The following KCNMA1 variants were observed in gnomAD, a reference collection of about 807,000 sequenced individuals.
KCNMA1 encodes the protein Calcium-activated potassium channel subunit alpha-1.
Under a neutral mutation model 140.0 loss-of-function variants are expected in KCNMA1, and 29 were observed. That is an observed-to-expected ratio of 0.21 (90% CI 0.15 to 0.28). The LOEUF (loss-of-function observed/expected upper bound fraction) is 0.28, where lower values mean the gene tolerates loss of function less well. KCNMA1 is among the 10% of genes least tolerant of loss of function. The pLI is 1.00. For synonymous variants in KCNMA1, 612 were observed against 611.9 expected (o/e 1.00, Z 0.00); for missense variants, 880 against 1,602.2 (o/e 0.55, Z 7.70).
At chr10:77,122,987 G>C (rs2097650247) in intron 5 of KCNMA1, among the ~76,000 whole-genome samples, 1 of 149,966 alleles carries the variant, frequency 6.7e-6, no homozygotes, top group Non-Finnish European at 1.5e-5. Flanking sequence ...GACCATCCTG[G>C]CTAACACAGT....
intron 5 of KCNMA1, among the ~76,000 whole-genome samples, chr10:77,160,648 G>T (rs2098544486): frequency 6.6e-6 from 1 of 152,178 alleles, no homozygotes. Flanking sequence ...GAACATCCTT[G>T]CCCATATCTG....
chr10:77,300,866 G>A (rs1184997363), intron 2 of KCNMA1, among the ~76,000 whole-genome samples: 1 of 152,134 alleles, frequency 6.6e-6, no homozygotes, highest in African/African-American at 2.4e-5. Context: ...GATCCTTAGG[G>A]AGCATCCAAC....
intron 2 of KCNMA1, among the ~76,000 whole-genome samples, chr10:77,279,988 G>A (rs1056114752): frequency 6.6e-6 from 1 of 152,124 alleles, no homozygotes; most frequent in African/African-American, 2.4e-5. Context: ...CAAGAAAACA[G>A]ACTAACACAT....
chr10:77,396,876 A>AT (rs139664235), intron 2 of KCNMA1, among the ~76,000 whole-genome samples: 11,520 of 152,286 alleles, frequency 0.076, 634 homozygotes, highest in Non-Finnish European at 0.11. Flanking sequence ...ACAAAGAGTG[A>AT]TTCTAAGGGC....
At chr10:77,389,543 A>G (rs1431675366) in intron 2 of KCNMA1, among the ~76,000 whole-genome samples, 2 of 152,074 alleles carry the variant, frequency 1.3e-5, no homozygotes. Context: ...ATTGGAAAGG[A>G]GGCTCTTCCA....
intron 1 of KCNMA1, among the ~76,000 whole-genome samples, chr10:77,599,072 T>C (rs1370967545): frequency 6.6e-6 from 1 of 152,238 alleles, no homozygotes; most frequent in Non-Finnish European, 1.5e-5. Context: ...AGCCTCTGGT[T>C]CTTCCTCCCT....
intron 1 of KCNMA1, among the ~76,000 whole-genome samples, chr10:77,525,852 TA>T (rs2055411526): frequency 6.6e-6 from 1 of 152,184 alleles, no homozygotes; most frequent in African/African-American, 2.4e-5. Context: ...GCACCTCAGA[TA>T]AACTGACCCC....
In KCNMA1 at chr10:76,999,953, G is replaced by A. The variant is rs553330058; in HGVS notation, c.2266+1454C>T. Among the ~76,000 whole-genome samples the A allele has an allele frequency of 5.3e-5, 8 of 152,274 alleles. No homozygotes were observed. The East Asian group carries it at 1.5e-3, about 29-fold the overall frequency. On this transcript the variant is annotated intron_variant, in intron 19 of 27. Coordinates refer to ENST00000286628, the MANE Select transcript of KCNMA1 (RefSeq NM_001161352.2). ...ATAAGCACCTGGCATGGCACACAGT[G>A]AAGTCCCGGTTCCCTGAGCCCTAGA...
At chr10:77,324,055 G>C (rs2083145811) in intron 2 of KCNMA1, among the ~76,000 whole-genome samples, 1 of 152,210 alleles carries the variant, frequency 6.6e-6, no homozygotes, top group South Asian at 2.1e-4. Flanking sequence ...TGGGGATTCT[G>C]GTGGTAAGGA....
chr10:77,488,554 C>T (rs2098489309), intron 1 of KCNMA1, among the ~76,000 whole-genome samples: 1 of 152,198 alleles, frequency 6.6e-6, no homozygotes, highest in Non-Finnish European at 1.5e-5. Context: ...ACATCTAGGC[C>T]TCTTCTAAAC....
chr10:76,962,822 A>T (rs2072218596), intron 20 of KCNMA1, among the ~76,000 whole-genome samples: 1 of 152,022 alleles, frequency 6.6e-6, no homozygotes, highest in Non-Finnish European at 1.5e-5. Flanking sequence ...GTCCCCAAAC[A>T]CTCTTCAAGC....
chr10:77,260,431 C>T (rs1362324390), intron 2 of KCNMA1, among the ~76,000 whole-genome samples: 3 of 152,110 alleles, frequency 2.0e-5, no homozygotes, highest in Non-Finnish European at 4.4e-5. Context: ...AAAGATGGCC[C>T]GGCATGGTGG....
chr10:77,070,756 G>T (rs866159283), intron 14 of KCNMA1, among the ~76,000 whole-genome samples: 1 of 152,180 alleles, frequency 6.6e-6, no homozygotes, highest in Non-Finnish European at 1.5e-5. Flanking sequence ...ATGCCAAGGA[G>T]GGTGCCATTA....
intron 1 of KCNMA1, among the ~76,000 whole-genome samples, chr10:77,623,800 T>C (rs1170595223): frequency 2.0e-5 from 3 of 152,110 alleles, no homozygotes; most frequent in African/African-American, 7.2e-5. Flanking sequence ...CAAGTAAGTA[T>C]TTTTGCCTGG....
chr10:77,107,181 T>C (rs1203658846), intron 9 of KCNMA1, among the ~76,000 whole-genome samples: 1 of 152,232 alleles, frequency 6.6e-6, no homozygotes, highest in Non-Finnish European at 1.5e-5. Flanking sequence ...GCTCCCAGTC[T>C]GATTTTATTT....
At chr10:77,578,575 G>C (rs939366172) in intron 1 of KCNMA1, among the ~76,000 whole-genome samples, 2 of 152,338 alleles carry the variant, frequency 1.3e-5, no homozygotes, top group Middle Eastern at 3.4e-3. Context: ...CTGGTGCTGT[G>C]AGCCTGGAAG....
chr10:77,012,458 G>A (rs1230849949), intron 17 of KCNMA1: 5 of 1,549,876 alleles, frequency 3.2e-6, no homozygotes, highest in Non-Finnish European at 8.7e-7. Flanking sequence ...ATATTTGAGG[G>A]GGCAGAAGTA....
intron 3 of KCNMA1, among the ~76,000 whole-genome samples, chr10:77,186,008 G>T (rs2098846874): frequency 6.6e-6 from 1 of 152,164 alleles, no homozygotes; most frequent in South Asian, 2.1e-4. Flanking sequence ...GCCAGCTTGA[G>T]AAATGGAAGA....
At chr10:77,327,783 C>CA (rs66708485) in intron 2 of KCNMA1, among the ~76,000 whole-genome samples, 39,902 of 146,528 alleles carry the variant, frequency 0.27, 6,396 homozygotes, top group Non-Finnish European at 0.38. Context: ...TAGCCCACTG[C>CA]AAAAAAAAAA....
Sources: gnomAD v4.1 joint callset for allele counts (sites outside exome capture counted in the v4.1 genomes callset) on GRCh38, gnomAD v4.1.1 for gene constraint, MANE v1.5 for transcripts, NCBI Gene and HGNC (gene_info 2026-07-23, HGNC 2026-07-21) for gene names.